PHF14: variants seen among roughly 807,000 people sequenced by gnomAD.
The protein encoded by PHF14 is PHD finger protein 14.
PHF14 carries 55 observed loss-of-function variants against 117.9 expected under a neutral mutation model. The observed-to-expected ratio is 0.47, with a 90% CI of 0.38 to 0.58. The LOEUF (loss-of-function observed/expected upper bound fraction) is 0.58, where lower values mean the gene tolerates loss of function less well. PHF14 is among the 20% of genes least tolerant of loss of function. PHF14 has a pLI of 0.00. For synonymous variants in PHF14, 409 were observed against 368.6 expected (o/e 1.11, Z -1.26); for missense variants, 978 against 1,122.2 (o/e 0.87, Z 1.84).
At chr7:11,058,985 A>C (rs977449871) in intron 14 of PHF14, among the ~76,000 whole-genome samples, 1 of 152,200 alleles carries the variant, frequency 6.6e-6, no homozygotes. Flanking sequence ...TGTTATTTTA[A>C]ATTATTACAT....
intron 13 of PHF14, among the ~76,000 whole-genome samples, chr7:11,048,619 A>C (rs1345133204): frequency 2.0e-5 from 3 of 152,180 alleles, no homozygotes; most frequent in African/African-American, 7.2e-5. Flanking sequence ...TAGACAGGCC[A>C]TGGCTTTATT....
intron 17 of PHF14, among the ~76,000 whole-genome samples, chr7:11,118,163 A>G (rs1226831567): frequency 1.3e-5 from 2 of 151,950 alleles, no homozygotes; most frequent in Non-Finnish European, 2.9e-5. Flanking sequence ...ATTGTGTCCT[A>G]TATTAGAATT....
At chr7:11,127,063 C>G (rs1453997476) in intron 17 of PHF14, among the ~76,000 whole-genome samples, 5 of 152,054 alleles carry the variant, frequency 3.3e-5, no homozygotes. Flanking sequence ...CCCCCAGTTA[C>G]TCTCAGACAA....
intron 4 of PHF14, among the ~76,000 whole-genome samples, chr7:10,996,073 C>T (rs1354801722): frequency 2.6e-5 from 4 of 152,204 alleles, no homozygotes; most frequent in Non-Finnish European, 5.9e-5. Context: ...GGGCTGCCAG[C>T]ACGCTGTCAC....
At chr7:11,101,410 C>T (rs1024452356) in intron 16 of PHF14, among the ~76,000 whole-genome samples, 1 of 151,770 alleles carries the variant, frequency 6.6e-6, no homozygotes, top group Non-Finnish European at 1.5e-5. Flanking sequence ...CAAAGTAGTT[C>T]TCAGAGTATC....
rs141113723 is a variant in PHF14 at position 11,016,151 on chromosome 7, G to C, written c.1205+2245G>C. ...ATAAGTAGACACCTCCTGTGATGGT[G>C]CAATCTGGCAAAAATTCTTTTATAT... On this transcript the variant is annotated intron_variant, in intron 5 of 17. Coordinates refer to ENST00000634607, the MANE Select transcript of PHF14 (RefSeq NM_001007157.2). Among the ~76,000 whole-genome samples, 374 of 152,082 alleles carry C rather than the reference G, an allele frequency of 2.5e-3. 2 individuals carry two copies. Among genetic ancestry groups the C allele is most frequent in the Non-Finnish European group, 4.1e-3 (276 of 67,974 alleles).
At chr7:11,025,635 A>C (rs1783881185) in intron 6 of PHF14, among the ~76,000 whole-genome samples, 1 of 152,010 alleles carries the variant, frequency 6.6e-6, no homozygotes, top group East Asian at 1.9e-4. Flanking sequence ...CTCCTAAAAA[A>C]ATACAAAAAA....
chr7:11,167,437 TTATG>T (rs1789233127), intron 17 of PHF14, among the ~76,000 whole-genome samples: 1 of 152,224 alleles, frequency 6.6e-6, no homozygotes, highest in South Asian at 2.1e-4. Context: ...CTTTTCCAAA[TTATG>T]TATTAATTCA....
At chr7:11,065,549 G>A (rs1431451264) in intron 16 of PHF14, among the ~76,000 whole-genome samples, 3 of 152,082 alleles carry the variant, frequency 2.0e-5, no homozygotes, top group Non-Finnish European at 4.4e-5. Context: ...TTTGATGAAG[G>A]TATTTAAAGG....
chr7:11,125,762 T>A (rs1787911140), intron 17 of PHF14, among the ~76,000 whole-genome samples: 1 of 152,112 alleles, frequency 6.6e-6, no homozygotes, highest in East Asian at 1.9e-4. Context: ...ATATGATAAA[T>A]CTAATCTCTG....
intron 16 of PHF14, among the ~76,000 whole-genome samples, chr7:11,086,538 G>A (rs932872711): frequency 1.3e-5 from 2 of 152,018 alleles, no homozygotes; most frequent in African/African-American, 4.8e-5. Flanking sequence ...TAGTGTATAA[G>A]CACCATTTTT....
intron 16 of PHF14, chr7:11,105,619 C>G: frequency 2.0e-6 from 2 of 984,642 alleles, no homozygotes; most frequent in South Asian, 4.7e-5. Flanking sequence ...ATTTTTTCTA[C>G]CTGTCTGAAT....
At chr7:11,025,781 C>T (rs1316474898) in intron 6 of PHF14, among the ~76,000 whole-genome samples, 2 of 149,708 alleles carry the variant, frequency 1.3e-5, no homozygotes, top group African/African-American at 4.9e-5. Context: ...GGTGACAGAG[C>T]GAGACTCCGT....
intron 11 of PHF14, among the ~76,000 whole-genome samples, chr7:11,039,440 G>A (rs1784432221): frequency 2.0e-5 from 3 of 151,996 alleles, no homozygotes; most frequent in African/African-American, 7.2e-5. Context: ...GTCTGTTAAA[G>A]TTTTTGGTGT....
In PHF14 at chr7:11,008,758, G is replaced by T. The variant is rs538283514; in HGVS notation, c.1046-4989G>T. Among the ~76,000 whole-genome samples, 302 of 151,964 alleles carry T rather than the reference G, an allele frequency of 2.0e-3. 3 individuals are homozygous for T. Among genetic ancestry groups the T allele is most frequent in the African/African-American group, 6.8e-3 (281 of 41,452 alleles). On this transcript the variant is annotated intron_variant, in intron 4 of 17. Transcript: ENST00000634607. ...ACTCATTTTAAAATCTTTTTTGGCC[G>T]GGCGCGGTGGCTCACGCCTGTAATC...
In PHF14 at chr7:11,130,208, T is replaced by C. The variant is rs1188053850; in HGVS notation, c.2772+18741T>C. Among the ~76,000 whole-genome samples the C allele has an allele frequency of 2.0e-5, 3 of 151,948 alleles. No homozygotes were observed. The highest frequency in any genetic ancestry group is 7.2e-5 in the African/African-American group (3 of 41,394). On this transcript the variant is annotated intron_variant, in intron 17 of 17. Transcript: ENST00000634607. The surrounding 1 kb of genome is among the most constrained non-coding windows in gnomAD (Gnocchi z 4.2). ...TCACACTGGCTTTTAAAATCATATC[T>C]GGAATTTGATACATATCACTCCAGG...
At chr7:11,086,851 T>C (rs375989572) in intron 16 of PHF14, among the ~76,000 whole-genome samples, 14 of 152,294 alleles carry the variant, frequency 9.2e-5, no homozygotes, top group East Asian at 3.9e-4. Flanking sequence ...ATGTGTATGA[T>C]ACCTATTAAA....
At chr7:11,104,624 A>C in intron 16 of PHF14, 1 of 983,402 alleles carries the variant, frequency 1.0e-6, no homozygotes, top group Non-Finnish European at 1.2e-6. Flanking sequence ...ATGTCTCTGA[A>C]ATACAGGAAG....
intron 5 of PHF14, among the ~76,000 whole-genome samples, chr7:11,017,011 C>T (rs1318039241): frequency 6.6e-6 from 1 of 152,172 alleles, no homozygotes; most frequent in African/African-American, 2.4e-5. Context: ...GTTTGTCTTG[C>T]TGTGCCTGGC....
Sources: gnomAD v4.1 joint callset for allele counts (sites outside exome capture counted in the v4.1 genomes callset) on GRCh38, gnomAD v4.1.1 for gene constraint, Gnocchi (gnomAD v3.1) non-coding constraint, MANE v1.5 for transcripts, NCBI Gene and HGNC (gene_info 2026-07-23, HGNC 2026-07-21) for gene names.